PHF21A: variants seen among roughly 807,000 people sequenced by gnomAD.
PHF21A encodes the protein PHD finger protein 21A, also known as BHC80a.
A neutral mutation model predicts 82.5 loss-of-function variants in PHF21A; 11 were observed. The ratio of observed to expected loss-of-function variants is 0.13; its 90% CI spans 0.08 to 0.22. PHF21A has a LOEUF of 0.22. Among genes scored for constraint, PHF21A ranks in the 10% least tolerant of loss-of-function variants. The pLI, the probability that PHF21A is intolerant of heterozygous loss-of-function variation, is 1.00. For synonymous variants in PHF21A, 297 were observed against 302.8 expected (o/e 0.98, Z 0.20); for missense variants, 579 against 837.8 (o/e 0.69, Z 3.81).
chr11:45,955,390 T>C (rs753576258), intron 10 of PHF21A, among the ~76,000 whole-genome samples: 7 of 152,184 alleles, frequency 4.6e-5, no homozygotes, highest in Non-Finnish European at 1.0e-4. Flanking sequence ...TTTAAAGTCC[T>C]GGATGCCCAG....
intron 6 of PHF21A, among the ~76,000 whole-genome samples, chr11:46,043,230 A>G (rs2096188190): frequency 6.6e-6 from 1 of 152,180 alleles, no homozygotes; most frequent in Non-Finnish European, 1.5e-5. Flanking sequence ...TAAGACTGAC[A>G]ACCTATCAAT....
chr11:45,945,905 C>T lies in PHF21A; in HGVS notation c.1387G>A (p.Glu463Lys), dbSNP rs2091217955. Residue 463 changes from glutamate to lysine, a missense_variant, in exon 15 of 19, where the codon GAG becomes AAG. Transcript: ENST00000676320. The part of the protein sequence containing the change: ...HPDSPENEKT[E>K]TTFTFPAPVQ... ...GGTGCAGGGAAAGTGAATGTGGTCTCTGTCTTTTCATTTTCAGGGGAGTCA... is the reference window on the plus strand; with the variant it reads ...GGTGCAGGGAAAGTGAATGTGGTCTTTGTCTTTTCATTTTCAGGGGAGTCA... The T allele has an allele frequency of 1.2e-6, 2 of 1,612,410 alleles. No individual in the cohort carries two copies. The highest frequency in any genetic ancestry group is 2.7e-5 in the African/African-American group (2 of 74,734).
intron 15 of PHF21A, among the ~76,000 whole-genome samples, chr11:45,944,042 T>G (rs1016503488): frequency 6.6e-6 from 1 of 152,046 alleles, no homozygotes; most frequent in Non-Finnish European, 1.5e-5. Flanking sequence ...ACAGACAATA[T>G]CATGACAATA....
intron 10 of PHF21A, 103 bp downstream of exon 10, chr11:45,965,212 T>G (rs1591348805): frequency 1.1e-6 from 1 of 893,394 alleles, no homozygotes. Flanking sequence ...ACAATGGTGG[T>G]GAGATGAAGA....
intron 15 of PHF21A, among the ~76,000 whole-genome samples, chr11:45,945,613 G>T (rs2091174435): frequency 1.3e-5 from 2 of 152,156 alleles, no homozygotes; most frequent in Admixed American, 1.3e-4. Flanking sequence ...GACTCTGAAG[G>T]CTGGCTGAGT....
intron 6 of PHF21A, among the ~76,000 whole-genome samples, chr11:46,067,384 T>C (rs1488191108): frequency 6.6e-6 from 1 of 152,164 alleles, no homozygotes; most frequent in Non-Finnish European, 1.5e-5. Context: ...AGTGACGTAG[T>C]AACATTGCAG....
chr11:46,102,389 C>T (rs539475911), intron 1 of PHF21A, among the ~76,000 whole-genome samples: 16 of 152,336 alleles, frequency 1.1e-4, no homozygotes, highest in African/African-American at 3.6e-4. Flanking sequence ...AAAGGGTCTG[C>T]TACTTTGCAA....
At chr11:45,995,820 CAG>C (rs1228824447) in intron 6 of PHF21A, among the ~76,000 whole-genome samples, 11 of 152,132 alleles carry the variant, frequency 7.2e-5, no homozygotes, top group Admixed American at 7.2e-4. Flanking sequence ...AGCTGGAAAC[CAG>C]TAAACAAATG....
Position 45,951,677 on chromosome 11 carries a change from T to C in PHF21A, c.1096-1420A>G, listed in dbSNP as rs184835297. ...TGATGAAGCAGTGTGTGGACTGATATTCAGATGCACCCTCTTTTAAGCAAG... is the reference window on the plus strand; with the variant it reads ...TGATGAAGCAGTGTGTGGACTGATACTCAGATGCACCCTCTTTTAAGCAAG... On this transcript the variant is annotated intron_variant, in intron 11 of 18. Coordinates refer to ENST00000676320, the MANE Select transcript of PHF21A (RefSeq NM_001352027.3). Among the ~76,000 whole-genome samples, 51 of 152,324 alleles carry C rather than the reference T, an allele frequency of 3.3e-4. 1 individual carries two copies. The highest frequency in any genetic ancestry group is 7.8e-4 in the Admixed American group (12 of 15,296).
rs892805960 is a variant in PHF21A, at chr11:45,930,567, A to C, written c.*3401T>G. ...AGGCTCCATGAAAGAAAAAGGACCC[A>C]CAGGCAGCAAGAATGCAGAGGTGGA... On this transcript the variant is annotated 3_prime_UTR_variant, in exon 19 of 19. Transcript: ENST00000676320. The C allele has an allele frequency of 6.5e-6, 1 of 152,744 alleles. No homozygotes were observed. Among genetic ancestry groups the C allele is most frequent in the African/African-American group, 2.4e-5 (1 of 41,486 alleles). The allele number at this position is 152,744 out of a possible 1,614,324, so 9.5% of individuals were successfully genotyped here.
intron 6 of PHF21A, among the ~76,000 whole-genome samples, chr11:46,000,208 A>G (rs540162677): frequency 6.6e-6 from 1 of 152,348 alleles, no homozygotes; most frequent in East Asian, 1.9e-4. Flanking sequence ...AAACTGCTAC[A>G]CTATTTCCCT....
intron 4 of PHF21A, among the ~76,000 whole-genome samples, chr11:46,079,969 A>T (rs2096771046): frequency 6.6e-6 from 1 of 152,202 alleles, no homozygotes; most frequent in South Asian, 2.1e-4. Context: ...CAAAGTTAAC[A>T]ATAACCATAG....
At chr11:46,048,319 G>A (rs1217042804) in intron 6 of PHF21A, among the ~76,000 whole-genome samples, 3 of 152,166 alleles carry the variant, frequency 2.0e-5, no homozygotes. Context: ...CCATGTTGTA[G>A]CATGTATCAT....
At chr11:46,083,084 T>C (rs2096812713) in intron 4 of PHF21A, among the ~76,000 whole-genome samples, 1 of 152,114 alleles carries the variant, frequency 6.6e-6, no homozygotes, top group African/African-American at 2.4e-5. Context: ...CACACCTCTA[T>C]GTTAAACTAA....
At chr11:45,949,026 T>C in intron 13 of PHF21A, 80 bp from the exon 14 acceptor site, 1 of 1,079,194 alleles carries the variant, frequency 9.3e-7, no homozygotes, top group Non-Finnish European at 1.4e-6. Context: ...AGACCAAGCA[T>C]GGCATGACTG....
intron 6 of PHF21A, among the ~76,000 whole-genome samples, chr11:45,993,104 T>C (rs550179268): frequency 6.6e-6 from 1 of 152,354 alleles, no homozygotes; most frequent in African/African-American, 2.4e-5. Context: ...CTGGTTCTCA[T>C]TTCTGAGTAC....
intron 6 of PHF21A, among the ~76,000 whole-genome samples, chr11:46,059,659 G>T (rs2096508146): frequency 6.6e-6 from 1 of 152,040 alleles, no homozygotes; most frequent in African/African-American, 2.4e-5. Flanking sequence ...TGGCCTCAAA[G>T]GATCCTTCTG....
At chr11:45,964,200 A>T (rs201744847) in intron 10 of PHF21A, among the ~76,000 whole-genome samples, 12 of 134,608 alleles carry the variant, frequency 8.9e-5, no homozygotes, top group African/African-American at 3.0e-4. Context: ...CTCCATCTCA[A>T]AATAATAATA....
chr11:45,989,686 A>G (rs1028104571), intron 6 of PHF21A, among the ~76,000 whole-genome samples: 1 of 150,336 alleles, frequency 6.7e-6, no homozygotes, highest in Non-Finnish European at 1.5e-5. Flanking sequence ...AAATAAATAA[A>G]TAAAAATAAA....
Sources: allele counts gnomAD v4.1 joint callset (sites outside exome capture counted in the v4.1 genomes callset), GRCh38; gene constraint gnomAD v4.1.1; transcripts MANE v1.5; gene names NCBI Gene and HGNC (gene_info 2026-07-23, HGNC 2026-07-21).